MYORG: variants seen among roughly 807,000 people sequenced by gnomAD.
The protein encoded by MYORG is alpha-galactosidase MYORG.
Under a neutral mutation model 49.8 loss-of-function variants are expected in MYORG, and 45 were observed. That is an observed-to-expected ratio of 0.90 (90% CI 0.71 to 1.16). The LOEUF (loss-of-function observed/expected upper bound fraction) is 1.16, where lower values mean the gene tolerates loss of function less well. Ranked by LOEUF, MYORG falls within the 50% of genes most tolerant of loss-of-function variation. MYORG has a pLI of 0.00. For missense variants in MYORG, 1,110 were observed against 1,026.5 expected (o/e 1.08, Z -1.11); for synonymous variants, 552 against 462.9 (o/e 1.19, Z -2.47).
chr9:34,371,817 ATGTCGCTGGCGT>A lies in MYORG; in HGVS notation c.1115_1126del (p.Asn372_Asp375del). 6.2e-7 allele frequency: 1 copy of A among 1,614,032 alleles called. No individual in the cohort carries two copies. The highest frequency in any genetic ancestry group is 2.2e-5 in the East Asian group (1 of 44,882). The stretch of plus-strand genomic sequence containing the variant: ...GCCGGCGTCGCGCAGGCGGCGGAAC[ATGTCGCTGGCGT>A]TGGGGAATTTGACCTCATCGAAGTC... On this transcript the variant is annotated inframe_deletion, in exon 2 of 2. Transcript: ENST00000297625.
intron 1 of MYORG, among the ~76,000 whole-genome samples, chr9:34,375,876 C>A (rs1329511660): frequency 6.6e-6 from 1 of 152,220 alleles, no homozygotes; most frequent in East Asian, 1.9e-4. Flanking sequence ...GCATCCAGTT[C>A]TATCAACAAT....
In MYORG at chr9:34,371,427, C is replaced by T; in HGVS notation, c.1517G>A (p.Gly506Asp). Residue 506 changes from glycine (G) to aspartate (D), a missense_variant, in exon 2 of 2, where the codon GGC becomes GAC. Gly to Asp is a moderately conservative substitution (Grantham distance 94). Coordinates refer to ENST00000297625, the MANE Select transcript of MYORG (RefSeq NM_020702.5). ...GCAGGAGATGTTCTGTGACTGGTAG[C>T]CTACGCGCACCTCCGCCAGCGAGAA... ...PFFSLAEVRV[G>D]YQSQNISCFF... is the part of the protein sequence containing the mutation. The T allele has an allele frequency of 6.2e-7, 1 of 1,613,116 alleles. No homozygotes were observed. The highest frequency in any genetic ancestry group is 1.1e-5 in the South Asian group (1 of 91,078).
chr9:34,375,893 C>G (rs985270393), intron 1 of MYORG, among the ~76,000 whole-genome samples: 1 of 152,204 alleles, frequency 6.6e-6, no homozygotes, highest in Non-Finnish European at 1.5e-5. Context: ...CAATGTGGAA[C>G]AGCAGACATA....
In MYORG at chr9:34,372,696, C is replaced by T. The variant is rs750735700; in HGVS notation, c.248G>A (p.Arg83His). ...VAWCYYSVSL[R>H]KAERLRAELL... ...CTCCGCGCGAAGTCGCTCCGCCTTGCGTAGGGAGACGCTGTAGTAGCACCA... is the reference window on the plus strand; with the variant it reads ...CTCCGCGCGAAGTCGCTCCGCCTTGTGTAGGGAGACGCTGTAGTAGCACCA... Residue 83 changes from arginine (R) to histidine (H), a missense_variant, in exon 2 of 2, where the codon CGC becomes CAC. Arg to His is a conservative substitution (Grantham distance 29). Transcript: ENST00000297625. 6.8e-6 allele frequency: 11 copies of T among 1,611,366 alleles called. No homozygotes were observed. The highest frequency in any genetic ancestry group is 9.3e-6 in the Non-Finnish European group (11 of 1,178,952).
Position 34,372,355 on chromosome 9 carries a change from G to C in MYORG, c.589C>G (p.Pro197Ala). 1 of 1,596,888 alleles carries C rather than the reference G, an allele frequency of 6.3e-7. No individual in the cohort carries two copies. The highest frequency in any genetic ancestry group is 1.1e-5 in the South Asian group (1 of 88,732). Residue 197 changes from proline to alanine, a missense_variant, in exon 2 of 2, where the codon CCC becomes GCC. Transcript: ENST00000297625. ...GGAEMRTQHW[P>A]IRLDGQQEPQ... ...TCCTGCTGGCCATCCAGGCGGATGG[G>C]CCAGTGTTGCGTCCTCATCTCGGCG...
Position 34,370,564 on chromosome 9 carries a change from A to T in MYORG, c.*235T>A, listed in dbSNP as rs1332194957. 3.3e-6 allele frequency: 2 copies of T among 611,400 alleles called. No homozygotes were observed. The highest frequency in any genetic ancestry group is 5.1e-6 in the Non-Finnish European group (2 of 388,790). The allele number at this position is 611,400 out of a possible 1,614,324, so 37.9% of individuals were successfully genotyped here. On this transcript the variant is annotated 3_prime_UTR_variant, in exon 2 of 2. Transcript: ENST00000297625. The stretch of plus-strand genomic sequence containing the variant: ...GAAGAGGTTTCTGCAGATTGGTGTG[A>T]GTGTGGGGGTGGAAAGGGCACAGTA...
chr9:34,371,915 G>C lies in MYORG; in HGVS notation c.1029C>G (p.His343Gln). ...VLRFAQQIRL[H>Q]HFNSSHLEID... is the part of the protein sequence containing the mutation. The stretch of plus-strand genomic sequence containing the variant: ...TTTCCAGGTGGCTGCTGTTGAAGTG[G>C]TGCAGGCGGATCTGTTGGGCAAAAC... The change falls in exon 2 of 2, where the codon CAC (histidine) becomes CAG (glutamine). Residue 343 changes from histidine (H) to glutamine (Q), a missense_variant. Transcript: ENST00000297625. 1.2e-6 allele frequency: 2 copies of C among 1,614,070 alleles called. No individual in the cohort carries two copies. Among genetic ancestry groups the C allele is most frequent in the Non-Finnish European group, 1.7e-6 (2 of 1,179,896 alleles).
chr9:34,370,947 A>G lies in MYORG; in HGVS notation c.1997T>C (p.Leu666Pro). The stretch of plus-strand genomic sequence containing the variant: ...GTCGCGCTCCTGCTTGCCTGGCTCC[A>G]GCACCGGGGCCACAAGCAGCGTGTC... ...IGDTLLVAPV[L>P]EPGKQERDVY... The change falls in exon 2 of 2, where the codon CTG becomes CCG. Residue 666 changes from leucine to proline, a missense_variant. Physicochemically the swap from Leu to Pro is moderately conservative, Grantham distance 98 (BLOSUM62 -3). Transcript: ENST00000297625. 2.5e-6 allele frequency: 4 copies of G among 1,613,508 alleles called. No homozygotes were observed. The East Asian group carries it at 6.7e-5, about 27-fold the overall frequency.
chr9:34,374,440 C>T (rs1820688427), intron 1 of MYORG, among the ~76,000 whole-genome samples: 2 of 152,124 alleles, frequency 1.3e-5, no homozygotes, highest in Admixed American at 6.6e-5. Context: ...TTACCAAGCT[C>T]GTTCCTTCCC....
In MYORG at chr9:34,371,071, C is replaced by A. The variant is rs1237086797; in HGVS notation, c.1873G>T (p.Glu625Ter). 1.2e-6 allele frequency: 2 copies of A among 1,609,818 alleles called. No individual in the cohort carries two copies. Among genetic ancestry groups the A allele is most frequent in the Non-Finnish European group, 1.7e-6 (2 of 1,178,202 alleles). The change falls in exon 2 of 2, where the codon GAG becomes TAG. Residue 625 changes from glutamate (E) to a stop codon, truncating the protein, a stop_gained. Transcript: ENST00000297625. LOFTEE classifies it high-confidence loss of function. The stretch of plus-strand genomic sequence containing the variant: ...ATAGGGTCACCCGTGTCGGTGACCT[C>A]GCCCGCCAGCTCAAGCAACAGCGGT... ...VAPLLLELAG[E>*]VTDTGDPIVR... is the part of the protein sequence containing the mutation.
At position 34,372,303 on chromosome 9, in the gene MYORG, A is replaced by G. The variant is rs746513809; in HGVS notation, c.641T>C (p.Val214Ala). ...CCCAAACGCGGCGTCGGAGGAGTAG[A>G]CATCGCTGGTGACGAACGGCTGGGG... The part of the protein sequence containing the change: ...QEPQPFVTSD[V>A]YSSDAAFGGI... The change falls in exon 2 of 2, where the codon GTC (valine) becomes GCC (alanine). Residue 214 changes from valine (V) to alanine (A), a missense_variant. Coordinates refer to ENST00000297625, the MANE Select transcript of MYORG (RefSeq NM_020702.5). The G allele has an allele frequency of 6.2e-7, 1 of 1,610,376 alleles. No homozygotes were observed. The highest frequency in any genetic ancestry group is 8.5e-7 in the Non-Finnish European group (1 of 1,178,768).
Position 34,371,852 on chromosome 9 carries a change from G to A in MYORG, c.1092C>T (p.Asp364=), listed in dbSNP as rs1282568306. ...CGTTGGGGAATTTGACCTCATCGAA[G>A]TCGAAGTCGCCATAAGCAGGTGTGT... The part of the protein sequence containing the change: ...DMYTPAYGDF[D]FDEVKFPNAS... Residue 364 remains aspartate, a synonymous_variant, in exon 2 of 2, where the codon GAC becomes GAT. Transcript: ENST00000297625. 6.2e-7 allele frequency: 1 copy of A among 1,614,070 alleles called. No individual in the cohort carries two copies. Among genetic ancestry groups the A allele is most frequent in the Non-Finnish European group, 8.5e-7 (1 of 1,179,884 alleles).
rs1820594064 is a variant in MYORG, at chr9:34,371,399, G to C, written c.1545C>G (p.Phe515Leu). ...VGYQSQNISC[F>L]FRLVDRDSVW... is the part of the protein sequence containing the mutation. The stretch of plus-strand genomic sequence containing the variant: ...CAGAGTCGCGATCCACCAGGCGGAA[G>C]AAGCAGGAGATGTTCTGTGACTGGT... Residue 515 changes from phenylalanine to leucine, a missense_variant, in exon 2 of 2, where the codon TTC (phenylalanine) becomes TTG (leucine). Phe to Leu is a conservative substitution (Grantham distance 22). Transcript: ENST00000297625. 1 of 1,613,366 alleles carries C rather than the reference G, an allele frequency of 6.2e-7. No individual in the cohort carries two copies. The highest frequency in any genetic ancestry group is 1.7e-5 in the Admixed American group (1 of 60,020).
rs1820508059 is a variant in MYORG, at chr9:34,366,690, T to C, written c.*4109A>G. On this transcript the variant is annotated 3_prime_UTR_variant, in exon 2 of 2. Transcript: ENST00000297625. ...ATAGTATTATAATAGCTACCATTTA[T>C]TGAGCACCTACTTTGTGCCAGGCAC... is the stretch of plus-strand genomic sequence containing the variant. 6.6e-6 allele frequency: 1 copy of C among 152,254 alleles called. No homozygotes were observed. The highest frequency in any genetic ancestry group is 2.4e-5 in the African/African-American group (1 of 41,464). 9.4% of individuals were successfully genotyped at this position (152,254 alleles called of 1,614,324 possible).
Position 34,371,346 on chromosome 9 carries a change from G to C in MYORG, c.1598C>G (p.Ser533Ter), listed in dbSNP as rs761392440. ...SVWGYDLGLRSLIPAVLTVSM... is the reference protein window; with the variant it reads ...SVWGYDLGLR ...GACGGTGAGCACCGCGGGGATGAGT[G>C]AGCGCAACCCCAGGTCGTAGCCCCA... The change falls in exon 2 of 2, where the codon TCA (serine) becomes TGA (stop). Residue 533 changes from serine to a stop codon, truncating the protein, a stop_gained. Coordinates refer to ENST00000297625, the MANE Select transcript of MYORG (RefSeq NM_020702.5). LOFTEE classifies it high-confidence loss of function. 1 of 1,612,950 alleles carries C rather than the reference G, an allele frequency of 6.2e-7. No individual in the cohort carries two copies. The highest frequency in any genetic ancestry group is 1.3e-5 in the African/African-American group (1 of 75,034).
chr9:34,374,901 C>CAAAA (rs10651045), intron 1 of MYORG, among the ~76,000 whole-genome samples: 20,595 of 121,176 alleles, frequency 0.17, 2,300 homozygotes, highest in East Asian at 0.53. Context: ...GACCCTATCT[C>CAAAA]AAAAAAAAAA....
chr9:34,372,981 T>A lies in MYORG; in HGVS notation c.-38A>T. On this transcript the variant is annotated 5_prime_UTR_variant, in exon 2 of 2. An upstream start codon of the reference 5' UTR is lost. Transcript: ENST00000297625. ...AAGAAAGGAGCGGGCCGTGGGGCCATCTGACTGAGTTCATCTCAACCTGCT... is the reference window on the plus strand; with the variant it reads ...AAGAAAGGAGCGGGCCGTGGGGCCAACTGACTGAGTTCATCTCAACCTGCT... The A allele has an allele frequency of 1.3e-6, 2 of 1,596,152 alleles. No homozygotes were observed. The highest frequency in any genetic ancestry group is 4.5e-5 in the East Asian group (2 of 44,610).
chr9:34,368,857 T>G lies in MYORG; in HGVS notation c.*1942A>C, dbSNP rs1314501177. On this transcript the variant is annotated 3_prime_UTR_variant, in exon 2 of 2. Coordinates refer to ENST00000297625, the MANE Select transcript of MYORG (RefSeq NM_020702.5). Reference sequence around the variant, plus strand: ...GCGCCCCACTCTACTGGTACCAATTTACTGTATAGGTTCATTTTCACAGTG... The same window carrying G: ...GCGCCCCACTCTACTGGTACCAATTGACTGTATAGGTTCATTTTCACAGTG... 6.6e-6 allele frequency: 1 copy of G among 152,368 alleles called. No individual in the cohort carries two copies. The highest frequency in any genetic ancestry group is 1.9e-4 in the East Asian group (1 of 5,204). The allele number at this position is 152,368 out of a possible 1,614,324, so 9.4% of individuals were successfully genotyped here.
In MYORG at chr9:34,371,685, G is replaced by T. The variant is rs757094308; in HGVS notation, c.1259C>A (p.Pro420His). 1 of 1,609,858 alleles carries T rather than the reference G, an allele frequency of 6.2e-7. No homozygotes were observed. The highest frequency in any genetic ancestry group is 8.5e-7 in the Non-Finnish European group (1 of 1,178,138). The change falls in exon 2 of 2, where the codon CCT becomes CAT. Residue 420 changes from proline (P) to histidine (H), a missense_variant. Transcript: ENST00000297625. ...LFVREPTGRL[P>H]ALVRWWNGIG... ...GCCGTTCCACCAGCGCACCAGCGCA[G>T]GTAACCGGCCCGTGGGTTCGCGCAC...
Sources: gnomAD v4.1 joint callset for allele counts (sites outside exome capture counted in the v4.1 genomes callset) on GRCh38, gnomAD v4.1.1 for gene constraint, MANE v1.5 for transcripts, NCBI Gene and HGNC (gene_info 2026-07-23, HGNC 2026-07-21) for gene names.